CDH13: variants seen among roughly 807,000 people sequenced by gnomAD.
CDH13 encodes the protein cadherin-13.
Under a neutral mutation model 63.8 loss-of-function variants are expected in CDH13, and 24 were observed. That is an observed-to-expected ratio of 0.38 (90% CI 0.27 to 0.53). CDH13 has a LOEUF of 0.53. CDH13 is among the 20% of genes least tolerant of loss of function. The pLI is 0.85. For synonymous variants in CDH13, 503 were observed against 355.3 expected (o/e 1.42, Z -4.67); for missense variants, 1,049 against 903.1 (o/e 1.16, Z -2.07).
At chr16:83,471,845 TGGA>T in intron 6 of CDH13, among the ~76,000 whole-genome samples, 1 of 152,320 alleles carries the variant, frequency 6.6e-6, no homozygotes, top group South Asian at 2.1e-4. Context: ...ATCGAGCACA[TGGA>T]GGAGACCTTG....
intron 2 of CDH13, among the ~76,000 whole-genome samples, chr16:82,971,106 C>G (rs1908674960): frequency 6.6e-6 from 1 of 152,196 alleles, no homozygotes; most frequent in Non-Finnish European, 1.5e-5. Flanking sequence ...ACAGCCAGGC[C>G]TCAACCAAAG....
At chr16:82,670,900 C>T (rs914479369) in intron 1 of CDH13, among the ~76,000 whole-genome samples, 8 of 152,320 alleles carry the variant, frequency 5.3e-5, no homozygotes, top group African/African-American at 1.4e-4. Flanking sequence ...CACTGTTCCT[C>T]CTCCTGGAGG....
chr16:82,681,725 T>G (rs899756917), intron 1 of CDH13, among the ~76,000 whole-genome samples: 1 of 152,196 alleles, frequency 6.6e-6, no homozygotes, highest in African/African-American at 2.4e-5. Context: ...GCCTGAGGGC[T>G]CTCTCCGGCT....
At chr16:83,660,270 G>T (rs764813316) in intron 8 of CDH13, among the ~76,000 whole-genome samples, 14 of 152,284 alleles carry the variant, frequency 9.2e-5, no homozygotes, top group South Asian at 4.1e-4. Context: ...TGTAGAACCA[G>T]TGGGATCCCT....
At chr16:82,751,389 C>A (rs555604780) in intron 1 of CDH13, among the ~76,000 whole-genome samples, 2 of 152,118 alleles carry the variant, frequency 1.3e-5, no homozygotes, top group African/African-American at 4.8e-5. Flanking sequence ...ACTTCACAGA[C>A]AGCCCCACCT....
At chr16:83,030,354 G>C (rs1916189158) in intron 2 of CDH13, among the ~76,000 whole-genome samples, 1 of 152,050 alleles carries the variant, frequency 6.6e-6, no homozygotes, top group Non-Finnish European at 1.5e-5. Flanking sequence ...TGGGTCCTCT[G>C]GATTCTTAAA....
intron 4 of CDH13, among the ~76,000 whole-genome samples, chr16:83,169,185 C>CTTTTT (rs148647688): frequency 6.7e-6 from 1 of 148,612 alleles, no homozygotes; most frequent in Non-Finnish European, 1.5e-5. Flanking sequence ...CTTAGGTTTC[C>CTTTTT]TTTTTTTTTT....
intron 1 of CDH13, among the ~76,000 whole-genome samples, chr16:82,647,835 T>C (rs555240036): frequency 6.6e-6 from 1 of 152,274 alleles, no homozygotes; most frequent in South Asian, 2.1e-4. Flanking sequence ...GTATCTGATA[T>C]GGTTTGGCTG....
At chr16:83,281,956 G>A (rs910168233) in intron 5 of CDH13, among the ~76,000 whole-genome samples, 4 of 152,104 alleles carry the variant, frequency 2.6e-5, no homozygotes, top group South Asian at 2.1e-4. Flanking sequence ...CTTAATCAGT[G>A]TAGCTTTTGA....
intron 3 of CDH13, among the ~76,000 whole-genome samples, chr16:83,037,817 A>T (rs766938535): frequency 6.6e-6 from 1 of 152,172 alleles, no homozygotes; most frequent in Admixed American, 6.5e-5. Flanking sequence ...AAGTGACTCA[A>T]TTATCTGAAT....
chr16:82,849,371 A>G (rs1016870257), intron 1 of CDH13, among the ~76,000 whole-genome samples: 1 of 152,108 alleles, frequency 6.6e-6, no homozygotes, highest in East Asian at 1.9e-4. Flanking sequence ...GTGTGGTGGC[A>G]CGTACCTGTA....
chr16:83,006,926 TTGTTTG>T (rs1383466461), intron 2 of CDH13, among the ~76,000 whole-genome samples: 5 of 136,716 alleles, frequency 3.7e-5, no homozygotes, highest in Non-Finnish European at 8.2e-5. Context: ...GTTTGTTTGT[TTGTTTG>T]TTTTTTTTGA....
intron 3 of CDH13, among the ~76,000 whole-genome samples, chr16:83,065,511 C>T (rs1458499998): frequency 2.0e-5 from 3 of 152,024 alleles, no homozygotes; most frequent in Admixed American, 1.3e-4. Context: ...TCAAAACCAG[C>T]CTGGCCAACA....
chr16:82,647,475 A>C (rs1910229974), intron 1 of CDH13, among the ~76,000 whole-genome samples: 1 of 152,098 alleles, frequency 6.6e-6, no homozygotes, highest in Non-Finnish European at 1.5e-5. Context: ...AGGAAAAGGA[A>C]ACAGACGAGG....
At chr16:83,189,659 C>A (rs1166134489) in intron 4 of CDH13, among the ~76,000 whole-genome samples, 2 of 152,204 alleles carry the variant, frequency 1.3e-5, no homozygotes, top group East Asian at 3.9e-4. Flanking sequence ...GCCTGATCTT[C>A]TCCTGCCACA....
At chr16:82,976,830 G>A (rs551637826) in intron 2 of CDH13, among the ~76,000 whole-genome samples, 52 of 152,252 alleles carry the variant, frequency 3.4e-4, no homozygotes, top group African/African-American at 9.9e-4. Flanking sequence ...GGTGGTACTC[G>A]GAGTTGGCAT....
intron 4 of CDH13, among the ~76,000 whole-genome samples, chr16:83,135,548 A>G (rs570862983): frequency 6.6e-6 from 1 of 152,298 alleles, no homozygotes; most frequent in African/African-American, 2.4e-5. Context: ...CTGCAATTGT[A>G]CCAGGGCTCT....
At chr16:83,149,756 G>T (rs546849005) in intron 4 of CDH13, among the ~76,000 whole-genome samples, 28 of 152,168 alleles carry the variant, frequency 1.8e-4, no homozygotes, top group African/African-American at 6.5e-4. Context: ...TGCTGGGGCT[G>T]GCTCACGGCA....
intron 4 of CDH13, among the ~76,000 whole-genome samples, chr16:83,163,324 GTTCTCTGCATTGGTTCAGA>G (rs2037527292): frequency 6.6e-6 from 1 of 151,816 alleles, no homozygotes; most frequent in South Asian, 2.1e-4. Context: ...CCCTACATAG[GTTCTCTGCATTGGTTCAGA>G]GTCCATCTCT....
Sources: allele counts gnomAD v4.1 joint callset (sites outside exome capture counted in the v4.1 genomes callset), GRCh38; gene constraint gnomAD v4.1.1; transcripts MANE v1.5; gene names NCBI Gene and HGNC (gene_info 2026-07-23, HGNC 2026-07-21).